The following CCNJL variants were observed in gnomAD, a reference collection of about 807,000 sequenced individuals.
The protein encoded by CCNJL is cyclin J like.
Under a neutral mutation model 33.4 loss-of-function variants are expected in CCNJL, and 33 were observed. The ratio of observed to expected loss-of-function variants is 0.99; its 90% CI spans 0.75 to 1.32. CCNJL has a LOEUF of 1.32. Ranked by LOEUF, CCNJL falls within the 40% of genes most tolerant of loss-of-function variation. CCNJL has a pLI of 0.00. For synonymous variants in CCNJL, 227 were observed against 220.9 expected (o/e 1.03, Z -0.24); for missense variants, 512 against 499.7 (o/e 1.02, Z -0.23).
intron 1 of CCNJL, among the ~76,000 whole-genome samples, chr5:160,321,912 C>A (rs896300179): frequency 6.6e-5 from 10 of 152,200 alleles, no homozygotes; most frequent in African/African-American, 2.2e-4. Context: ...AACCCTGCCC[C>A]CTACCAGCAG....
rs11461365 is a variant in CCNJL at position 160,326,486 on chromosome 5, C to CAAA, written n.207-10984_207-10982dup. On this transcript the variant is annotated intron_variant and non_coding_transcript_variant, in intron 1 of 7. Transcript: ENST00000377503. ...GGGCGACAGAGCTAGACTCTGTCTC[C>CAAA]AAAAAAAAAAAAAAAAAAAAAAAGC... Among the ~76,000 whole-genome samples the CAAA allele has an allele frequency of 4.4e-3, 252 of 57,336 alleles. 2 individuals are homozygous for CAAA. The highest frequency in any genetic ancestry group is 8.3e-3 in the East Asian group (11 of 1,330). 37.6% of individuals were successfully genotyped at this position (57,336 alleles called of 152,430 possible).
chr5:160,281,011 C>T, intron 2 of CCNJL: 1 of 527,924 alleles, frequency 1.9e-6, no homozygotes. Context: ...ATTTGAGATA[C>T]ACAAGGCCAT....
At chr5:160,334,276 A>G (rs534999563) in intron 1 of CCNJL, among the ~76,000 whole-genome samples, 2 of 152,206 alleles carry the variant, frequency 1.3e-5, no homozygotes, top group South Asian at 2.1e-4. Flanking sequence ...GTTGTACACA[A>G]TCTCCACTAG....
intron 3 of CCNJL, among the ~76,000 whole-genome samples, chr5:160,271,679 C>T (rs942597067): frequency 7.9e-5 from 12 of 152,348 alleles, no homozygotes; most frequent in Non-Finnish European, 1.3e-4. Context: ...CCCTGTGCCG[C>T]GTGGCCACCA....
At chr5:160,335,748 A>ATTTGTTTTT (rs1455695161) in intron 1 of CCNJL, among the ~76,000 whole-genome samples, 1 of 125,552 alleles carries the variant, frequency 8.0e-6, no homozygotes, top group African/African-American at 2.6e-5. Flanking sequence ...TTTTTTTTGA[A>ATTTGTTTTT]ATTTTTTTTT....
At chr5:160,303,281 C>T (rs2113432389) in intron 2 of CCNJL, among the ~76,000 whole-genome samples, 1 of 152,306 alleles carries the variant, frequency 6.6e-6, no homozygotes, top group Non-Finnish European at 1.5e-5. Flanking sequence ...TCTCGGCTCA[C>T]TGCAACCTCC....
intron 3 of CCNJL, among the ~76,000 whole-genome samples, chr5:160,268,957 T>C (rs1195981288): frequency 6.6e-6 from 1 of 152,224 alleles, no homozygotes; most frequent in Non-Finnish European, 1.5e-5. Flanking sequence ...ACAGAGGCCT[T>C]GATAAATAAT....
At chr5:160,280,327 C>T (rs1214358420) in intron 3 of CCNJL, among the ~76,000 whole-genome samples, 198 bp downstream of exon 3, 1 of 152,168 alleles carries the variant, frequency 6.6e-6, no homozygotes, top group Non-Finnish European at 1.5e-5. Context: ...TGCTAACATC[C>T]TTATCACTTG....
chr5:160,267,254 T>A (rs959218537), intron 3 of CCNJL, among the ~76,000 whole-genome samples: 1 of 152,194 alleles, frequency 6.6e-6, no homozygotes, highest in African/African-American at 2.4e-5. Flanking sequence ...CTGTGCTTGC[T>A]GTGCCCTTAA....
chr5:160,271,124 C>T (rs1007326769), intron 3 of CCNJL, among the ~76,000 whole-genome samples: 1 of 152,194 alleles, frequency 6.6e-6, no homozygotes, highest in African/African-American at 2.4e-5. Context: ...TAAAAATAAT[C>T]TCTAATCTTA....
intron 2 of CCNJL, among the ~76,000 whole-genome samples, chr5:160,303,408 G>A (rs949031956): frequency 2.6e-5 from 4 of 151,672 alleles, no homozygotes; most frequent in Admixed American, 1.3e-4. Flanking sequence ...GTTTCTCCAC[G>A]TTGGCCAGGC....
chr5:160,266,256 CAGCCTTTGCTGGCA>C (rs35967437), intron 3 of CCNJL, among the ~76,000 whole-genome samples: 6,785 of 152,366 alleles, frequency 0.045, 227 homozygotes, highest in South Asian at 0.19. Context: ...CCCAGCTTTG[CAGCCTTTGCTGGCA>C]AGGGAGGCCA....
chr5:160,297,738 T>A (rs900538135), intron 2 of CCNJL, among the ~76,000 whole-genome samples: 5 of 151,416 alleles, frequency 3.3e-5, no homozygotes, highest in African/African-American at 4.9e-5. Context: ...TGCAACTTGG[T>A]TGAAGAAAAG....
chr5:160,255,416 T>G, intron 5 of CCNJL, 133 bp downstream of exon 5: 4 of 755,518 alleles, frequency 5.3e-6, no homozygotes, highest in Non-Finnish European at 8.7e-6. Context: ...ATGGCCCACT[T>G]TCCCTGAGAC....
chr5:160,295,806 C>T (rs1762733602), intron 2 of CCNJL, among the ~76,000 whole-genome samples: 1 of 152,176 alleles, frequency 6.6e-6, no homozygotes, highest in South Asian at 2.1e-4. Context: ...CTGCTGACAC[C>T]CCGATGTCAG....
intron 3 of CCNJL, among the ~76,000 whole-genome samples, chr5:160,271,938 C>A (rs912403456): frequency 6.6e-6 from 1 of 152,214 alleles, no homozygotes; most frequent in Non-Finnish European, 1.5e-5. Context: ...GGCGCTGCCA[C>A]GTTTCCTTGA....
intron 1 of CCNJL, among the ~76,000 whole-genome samples, chr5:160,323,929 A>C (rs1417725305): frequency 6.6e-6 from 1 of 152,200 alleles, no homozygotes; most frequent in Non-Finnish European, 1.5e-5. Context: ...TCTGGGTTTC[A>C]AGCTCACCTG....
At chr5:160,332,994 C>T (rs1223442507) in intron 1 of CCNJL, among the ~76,000 whole-genome samples, 1 of 152,184 alleles carries the variant, frequency 6.6e-6, no homozygotes, top group African/African-American at 2.4e-5. Context: ...ATCAACGATT[C>T]TCTTCCTCCG....
intron 1 of CCNJL, among the ~76,000 whole-genome samples, chr5:160,334,452 G>T (rs942658192): frequency 6.6e-6 from 1 of 152,152 alleles, no homozygotes; most frequent in African/African-American, 2.4e-5. Flanking sequence ...TTCTCATAGT[G>T]CTCTCCATGG....
Sources: gnomAD v4.1 joint callset for allele counts (sites outside exome capture counted in the v4.1 genomes callset) on GRCh38, gnomAD v4.1.1 for gene constraint, MANE v1.5 for transcripts, NCBI Gene and HGNC (gene_info 2026-07-23, HGNC 2026-07-21) for gene names.